CNTNAP1: variants seen among roughly 807,000 people sequenced by gnomAD.
CNTNAP1 encodes contactin-associated protein 1.
Under a neutral mutation model 161.5 loss-of-function variants are expected in CNTNAP1, and 80 were observed. The ratio of observed to expected loss-of-function variants is 0.50; its 90% CI spans 0.41 to 0.60. CNTNAP1 has a LOEUF of 0.60. CNTNAP1 is among the 20% of genes least tolerant of loss of function. The pLI is 0.00. For missense variants in CNTNAP1, 1,464 were observed against 1,854.8 expected (o/e 0.79, Z 3.87); for synonymous variants, 695 against 733.1 (o/e 0.95, Z 0.84).
rs1213106957 is a variant in CNTNAP1 at position 42,690,213 on chromosome 17, T to C, written c.1855+6T>C. On this transcript the variant is annotated splice_donor_region_variant and intron_variant, in intron 12 of 23. Transcript: ENST00000264638. ...AGTGTACTGTGATATCCGAGGTAAG[T>C]GTCTCTGTTGGGTGGTGAGGGGGTG... 1 of 1,613,536 alleles carries C rather than the reference T, an allele frequency of 6.2e-7. No individual in the cohort carries two copies. Among genetic ancestry groups the C allele is most frequent in the South Asian group, 1.1e-5 (1 of 91,072 alleles).
intron 23 of CNTNAP1, 44 bp from the exon 24 acceptor site, chr17:42,698,574 G>C: frequency 7.0e-7 from 1 of 1,431,158 alleles, no homozygotes. Context: ...TGTGTATACA[G>C]GTGAGATCCC....
rs770312444 is a variant in CNTNAP1, at chr17:42,689,627, C to G, written c.1735C>G (p.Pro579Ala). 5 of 1,612,518 alleles carry G rather than the reference C, an allele frequency of 3.1e-6. No homozygotes were observed. Among genetic ancestry groups the G allele is most frequent in the Non-Finnish European group, 4.2e-6 (5 of 1,178,810 alleles). ...CTACAAGGGAGAGACCTGCCACACA[C>G]GTAAGCCAGATGTGGTATGGGGGGA... is the stretch of plus-strand genomic sequence containing the variant. ...TGYKGETCHT[P>A]LYKESCEAYR... Residue 579 changes from proline (P) to alanine (A), a missense_variant and splice_region_variant, in exon 11 of 24, where the codon CCT (proline) becomes GCT (alanine). Physicochemically the swap from Pro to Ala is conservative, Grantham distance 27 (BLOSUM62 -1). Around this residue, in one of 3 missense-constraint regions of CNTNAP1, gnomAD observed 1,383 missense variants for 1,765.0 expected, o/e 0.78. Transcript: ENST00000264638.
chr17:42,690,921 T>A lies in CNTNAP1; in HGVS notation c.2038T>A (p.Ser680Thr). The A allele has an allele frequency of 1.2e-6, 2 of 1,614,110 alleles. No individual in the cohort carries two copies. The highest frequency in any genetic ancestry group is 4.5e-5 in the East Asian group (2 of 44,886). ...EQWIEFSCYN[S>T]RLLNTAGGYP... Reference sequence around the variant, plus strand: ...GTGGATCGAGTTCTCCTGCTACAATTCCCGGCTGCTCAACACTGCAGGTTA... The same window carrying A: ...GTGGATCGAGTTCTCCTGCTACAATACCCGGCTGCTCAACACTGCAGGTTA... Residue 680 changes from serine (S) to threonine (T), a missense_variant, in exon 13 of 24, where the codon TCC (serine) becomes ACC (threonine). By Grantham distance (58) the Ser-to-Thr change is moderately conservative. Transcript: ENST00000264638.
At chr17:42,688,032 C>T (rs2053040241) in intron 8 of CNTNAP1, 51 bp downstream of exon 8, 4 of 1,582,590 alleles carry the variant, frequency 2.5e-6, no homozygotes, top group Middle Eastern at 2.1e-4. Flanking sequence ...TGTAGAGGAT[C>T]CCAGGAAAGT....
chr17:42,683,846 T>C lies in CNTNAP1; in HGVS notation c.93T>C (p.Gly31=). 1 of 1,612,192 alleles carries C rather than the reference T, an allele frequency of 6.2e-7. No homozygotes were observed. Among genetic ancestry groups the C allele is most frequent in the Non-Finnish European group, 8.5e-7 (1 of 1,179,936 alleles). ...GYYGCDEELV[G]PLYARSLGAS... ...ACGGCTGCGACGAGGAGCTGGTGGG[T>C]CCCCTGTATGCACGCTCCCTGGGCG... Residue 31 remains glycine, a synonymous_variant, in exon 2 of 24, where the codon GGT becomes GGC. Transcript: ENST00000264638.
chr17:42,696,983 G>A (rs889702454), intron 20 of CNTNAP1, among the ~76,000 whole-genome samples: 1 of 151,882 alleles, frequency 6.6e-6, no homozygotes, highest in Non-Finnish European at 1.5e-5. Context: ...AGACCAACCT[G>A]AGCAACATAG....
Position 42,685,446 on chromosome 17 carries a change from C to T in CNTNAP1, c.715+26C>T, listed in dbSNP as rs1567969923. 1 of 1,584,766 alleles carries T rather than the reference C, an allele frequency of 6.3e-7. No individual in the cohort carries two copies. Among genetic ancestry groups the T allele is most frequent in the South Asian group, 1.1e-5 (1 of 89,966 alleles). On this transcript the variant is annotated intron_variant, in intron 5 of 23. Transcript: ENST00000264638. The surrounding 1 kb of genome is among the most constrained non-coding windows in gnomAD (Gnocchi z 5.0). The stretch of plus-strand genomic sequence containing the variant: ...GTGAGCTCGGCGACCATGTGCGATG[C>T]GGAGCCAACCCCTGAAGCTCTCTCA...
At position 42,699,553 on chromosome 17, in the gene CNTNAP1, T is replaced by C. The variant is rs1239988939; in HGVS notation, c.*643T>C. The C allele has an allele frequency of 6.5e-6, 1 of 152,752 alleles. No individual in the cohort carries two copies. The highest frequency in any genetic ancestry group is 1.5e-5 in the Non-Finnish European group (1 of 68,050). 9.5% of individuals were successfully genotyped at this position (152,752 alleles called of 1,614,324 possible). On this transcript the variant is annotated 3_prime_UTR_variant, in exon 24 of 24. Coordinates refer to ENST00000264638, the MANE Select transcript of CNTNAP1 (RefSeq NM_003632.3). ...AAAACCTGCAACGTAGAGAAAATAA[T>C]GCAGATACCCTGACTAGCCAGCCCT... is the stretch of plus-strand genomic sequence containing the variant.
chr17:42,685,063 A>G lies in CNTNAP1; in HGVS notation c.436A>G (p.Ile146Val), dbSNP rs2052987165. The G allele has an allele frequency of 6.3e-7, 1 of 1,582,856 alleles. No individual in the cohort carries two copies. The highest frequency in any genetic ancestry group is 8.6e-7 in the Non-Finnish European group (1 of 1,165,320). ...GCACTTCCACTTCACTGCGCGCTACATCCGCATCGTGCCCCTGGCCTGGAA... is the reference window on the plus strand; with the variant it reads ...GCACTTCCACTTCACTGCGCGCTACGTCCGCATCGTGCCCCTGGCCTGGAA... ...DLHFHFTARY[I>V]RIVPLAWNPR... Residue 146 changes from isoleucine (I) to valine (V), a missense_variant, in exon 4 of 24, where the codon ATC becomes GTC. Ile to Val is a conservative substitution (Grantham distance 29). Transcript: ENST00000264638. The surrounding 1 kb of genome is among the most constrained non-coding windows in gnomAD (Gnocchi z 5.0).
intron 16 of CNTNAP1, 133 bp downstream of exon 16, chr17:42,692,124 T>C (rs970109208): frequency 7.3e-6 from 7 of 953,856 alleles, no homozygotes; most frequent in Non-Finnish European, 1.1e-5. Context: ...AGATACCCTA[T>C]GTTCTAGCCC....
chr17:42,685,069 A>G lies in CNTNAP1; in HGVS notation c.442A>G (p.Ile148Val), dbSNP rs1285153375. Residue 148 changes from isoleucine to valine, a missense_variant, in exon 4 of 24, where the codon ATC (isoleucine) becomes GTC (valine). By Grantham distance (29) the Ile-to-Val change is conservative. Around this residue, in one of 3 missense-constraint regions of CNTNAP1, gnomAD observed 1,383 missense variants for 1,765.0 expected, o/e 0.78. Coordinates refer to ENST00000264638, the MANE Select transcript of CNTNAP1 (RefSeq NM_003632.3). This position sits in a 1 kb window ranked among gnomAD's most constrained non-coding sequence, Gnocchi z 5.0. ...HFHFTARYIR[I>V]VPLAWNPRGK... ...CCACTTCACTGCGCGCTACATCCGC[A>G]TCGTGCCCCTGGCCTGGAACCCACG... is the stretch of plus-strand genomic sequence containing the variant. 2 of 1,581,056 alleles carry G rather than the reference A, an allele frequency of 1.3e-6. No homozygotes were observed. The highest frequency in any genetic ancestry group is 1.7e-6 in the Non-Finnish European group (2 of 1,164,116).
At chr17:42,694,468 G>A (rs1403392674) in intron 18 of CNTNAP1, among the ~76,000 whole-genome samples, 1 of 152,028 alleles carries the variant, frequency 6.6e-6, no homozygotes, top group Non-Finnish European at 1.5e-5. Context: ...CACAGCGCCT[G>A]GCAAAATTTT....
In CNTNAP1 at chr17:42,697,712, G is replaced by GGAGAACTGTCCGAATC; in HGVS notation, c.3728_3743dup (p.Asn1249ArgfsTer6). 6.2e-7 allele frequency: 1 copy of GGAGAACTGTCCGAATC among 1,614,160 alleles called. No individual in the cohort carries two copies. The highest frequency in any genetic ancestry group is 8.5e-7 in the Non-Finnish European group (1 of 1,180,034). On this transcript the variant is annotated frameshift_variant, in exon 22 of 24. Transcript: ENST00000264638. LOFTEE classifies it high-confidence loss of function. Reference sequence around the variant, plus strand: ...GCTAGCTGAGGCCCTTCGAGTTCAGGGAGAACTGTCCGAATCTAATTGCGG... The same window carrying GGAGAACTGTCCGAATC: ...GCTAGCTGAGGCCCTTCGAGTTCAGGGAGAACTGTCCGAATCGAGAACTGTCCGAATCTAATTGCGG...
chr17:42,687,808 C>T lies in CNTNAP1; in HGVS notation c.1133C>T (p.Pro378Leu). 1 of 1,614,252 alleles carries T rather than the reference C, an allele frequency of 6.2e-7. No individual in the cohort carries two copies. The highest frequency in any genetic ancestry group is 8.5e-7 in the Non-Finnish European group (1 of 1,180,046). The change falls in exon 8 of 24, where the codon CCA becomes CTA. Residue 378 changes from proline (P) to leucine (L), a missense_variant. Physicochemically the swap from Pro to Leu is moderately conservative, Grantham distance 98. Transcript: ENST00000264638. This position sits in a 1 kb window ranked among gnomAD's most constrained non-coding sequence, Gnocchi z 4.7. ...AACTTCGTTCAAGTGCCCGGTTTCC[C>T]ACGCCGTGGCCGCCTGGCAGTCTCA... The part of the protein sequence containing the change: ...PHNFVQVPGF[P>L]RRGRLAVSFR...
At chr17:42,693,150 G>A (rs1205877831) in intron 17 of CNTNAP1, 147 bp from the exon 18 acceptor site, 10 of 940,584 alleles carry the variant, frequency 1.1e-5, no homozygotes, top group East Asian at 2.6e-5. Flanking sequence ...TAGTAGAGAC[G>A]GGGTTTCATC....
Position 42,684,464 on chromosome 17 carries a change from G to A in CNTNAP1, c.363+235G>A, listed in dbSNP as rs182812346. ...AAAACCTGGGAGAGCTTCCTAAGGA[G>A]GTGACATTTGATTTCAGGTCTGAGG... On this transcript the variant is annotated intron_variant, in intron 3 of 23. Transcript: ENST00000264638. Among the ~76,000 whole-genome samples the A allele has an allele frequency of 9.8e-4, 149 of 152,302 alleles. 5 individuals are homozygous for A. In the South Asian group the frequency reaches 0.028, roughly 29 times the overall value.
rs948882747 is a variant in CNTNAP1, at chr17:42,691,882, G to A, written c.2421G>A (p.Leu807=). ...CCCCAATCCGTGCCAACCACAGCCT[G>A]GATGTCTCCTTCTACTTCAGGACCT... ...RFPPIRANHS[L]DVSFYFRTSA... The change falls in exon 16 of 24, where the codon CTG becomes CTA. Residue 807 remains leucine (L), a synonymous_variant. Transcript: ENST00000264638. This position sits in a 1 kb window ranked among gnomAD's most constrained non-coding sequence, Gnocchi z 4.3. 5.0e-6 allele frequency: 8 copies of A among 1,614,136 alleles called. No homozygotes were observed. Among genetic ancestry groups the A allele is most frequent in the South Asian group, 1.1e-5 (1 of 91,074 alleles).
At chr17:42,684,857 A>T in intron 3 of CNTNAP1, 134 bp from the exon 4 acceptor site, 1 of 988,614 alleles carries the variant, frequency 1.0e-6, no homozygotes, top group South Asian at 1.7e-5. Flanking sequence ...CCCGGGAGGC[A>T]GAGGTTGCGG....
In CNTNAP1 at chr17:42,685,398, CCTG is replaced by C; in HGVS notation, c.701_703del (p.Leu234del). The C allele has an allele frequency of 6.2e-7, 1 of 1,603,664 alleles. No homozygotes were observed. On this transcript the variant is annotated inframe_deletion, in exon 5 of 24. Coordinates refer to ENST00000264638, the MANE Select transcript of CNTNAP1 (RefSeq NM_003632.3). This position sits in a 1 kb window ranked among gnomAD's most constrained non-coding sequence, Gnocchi z 5.0. The stretch of plus-strand genomic sequence containing the variant: ...TGACGCTCGAGCTGGAGGGGGCACA[CCTG>C]CTGCTGCACATGAGCCTGGGTGAGC...
Sources: allele counts gnomAD v4.1 joint callset (sites outside exome capture counted in the v4.1 genomes callset), GRCh38; gene constraint gnomAD v4.1.1; regional missense constraint gnomAD v4.1.1; non-coding constraint Gnocchi (gnomAD v3.1); transcripts MANE v1.5; gene names NCBI Gene and HGNC (gene_info 2026-07-23, HGNC 2026-07-21).